The following KAZN variants were observed in gnomAD, a reference collection of about 807,000 sequenced individuals.
KAZN encodes the protein kazrin.
KAZN carries 40 observed loss-of-function variants against 87.4 expected under a neutral mutation model. That is an observed-to-expected ratio of 0.46 (90% CI 0.36 to 0.60). The LOEUF is 0.60. Among genes scored for constraint, KAZN ranks in the 20% least tolerant of loss-of-function variants. KAZN has a pLI of 0.00. For missense variants in KAZN, 898 were observed against 1,073.9 expected, an observed-to-expected ratio of 0.84 and a Z score of 2.29; for synonymous variants, 466 against 458.3, an observed-to-expected ratio of 1.02 and a Z score of -0.22.
Position 15,099,008 on chromosome 1 carries a change from A to G in KAZN, c.1548-2535A>G, listed in dbSNP as rs1640924916. Among the ~76,000 whole-genome samples, 1 of 152,218 alleles carries G rather than the reference A, an allele frequency of 6.6e-6. No individual in the cohort carries two copies. ...GACTGGTGCAGAGATGGGGACTTCC[A>G]GGGGCTTTGGACACAGAGAAGGGCT... On this transcript the variant is annotated intron_variant, in intron 10 of 14. Transcript: ENST00000376030. This position sits in a 1 kb window ranked among gnomAD's most constrained non-coding sequence, Gnocchi z 5.4.
chr1:14,291,975 A>G (rs926912025), intron 2 of KAZN, among the ~76,000 whole-genome samples: 7 of 152,152 alleles, frequency 4.6e-5, no homozygotes, highest in African/African-American at 1.7e-4. Flanking sequence ...CTGTGAGTCA[A>G]TTAAACCTCT....
intron 2 of KAZN, among the ~76,000 whole-genome samples, chr1:14,264,094 A>G (rs1651288608): frequency 6.6e-6 from 1 of 152,234 alleles, no homozygotes; most frequent in Non-Finnish European, 1.5e-5. Context: ...GTAGGTCTGA[A>G]ATCAGGGTAC....
chr1:14,767,304 C>G (rs1328929851), intron 1 of KAZN, among the ~76,000 whole-genome samples: 2 of 152,148 alleles, frequency 1.3e-5, no homozygotes. Flanking sequence ...CTGTTTTTCA[C>G]CTGAGCTGAA....
intron 2 of KAZN, among the ~76,000 whole-genome samples, chr1:14,583,780 T>C (rs985883220): frequency 3.9e-5 from 6 of 152,148 alleles, no homozygotes; most frequent in African/African-American, 1.4e-4. Flanking sequence ...GGGCTTGGTG[T>C]GATGATCGCG....
intron 2 of KAZN, among the ~76,000 whole-genome samples, chr1:14,221,350 G>A (rs1647093095): frequency 3.3e-5 from 5 of 152,240 alleles, no homozygotes; most frequent in South Asian, 4.2e-4. Flanking sequence ...TGCCCCTGGA[G>A]TCTTCTGTTA....
chr1:14,925,719 A>G (rs749592308), intron 1 of KAZN, among the ~76,000 whole-genome samples: 29 of 152,294 alleles, frequency 1.9e-4, no homozygotes, highest in Non-Finnish European at 2.6e-4. Context: ...CTGTAAGAAA[A>G]AAGCCAACCA....
intron 2 of KAZN, among the ~76,000 whole-genome samples, chr1:14,354,726 G>A (rs1658869689): frequency 6.6e-6 from 1 of 150,710 alleles, no homozygotes; most frequent in African/African-American, 2.4e-5. Context: ...CAAGGACCTG[G>A]ATCAACTGGA....
At chr1:14,625,963 C>T (rs545211977) in intron 1 of KAZN, among the ~76,000 whole-genome samples, 4 of 152,294 alleles carry the variant, frequency 2.6e-5, no homozygotes, top group East Asian at 1.9e-4. Flanking sequence ...AGGGGACCTA[C>T]GGGATTCTGA....
intron 2 of KAZN, among the ~76,000 whole-genome samples, chr1:14,187,568 G>A (rs923616936): frequency 8.5e-5 from 13 of 152,154 alleles, no homozygotes; most frequent in South Asian, 2.1e-4. Flanking sequence ...TGAGAAGGAA[G>A]CAGAGCAACT....
intron 2 of KAZN, among the ~76,000 whole-genome samples, chr1:14,436,732 A>AG (rs61387595): frequency 1.2e-5 from 1 of 83,742 alleles, no homozygotes; most frequent in African/African-American, 4.7e-5. Flanking sequence ...AAAAAAAAAA[A>AG]AAAAAACCTT....
chr1:14,674,891 A>G (rs1640123561), intron 1 of KAZN, among the ~76,000 whole-genome samples: 1 of 152,094 alleles, frequency 6.6e-6, no homozygotes. Context: ...GGTTAAAGCC[A>G]TCTTCCCACC....
intron 1 of KAZN, among the ~76,000 whole-genome samples, chr1:14,917,873 T>TTCCTTC (rs35574873): frequency 4.9e-4 from 26 of 53,366 alleles, no homozygotes; most frequent in Non-Finnish European, 7.0e-4. Context: ...TTCCTTCCTT[T>TTCCTTC]CTTTCTTTCT....
intron 1 of KAZN, chr1:14,946,056 A>G (rs1661729094): frequency 3.1e-6 from 1 of 325,252 alleles, no homozygotes; most frequent in South Asian, 1.2e-4. Flanking sequence ...TCTCCACACA[A>G]GGACAGGGAA....
At chr1:14,248,916 C>T (rs1021658940) in intron 2 of KAZN, among the ~76,000 whole-genome samples, 13 of 152,154 alleles carry the variant, frequency 8.5e-5, no homozygotes, top group African/African-American at 2.4e-4. Flanking sequence ...ATCCCTAGTC[C>T]GCCATACTGG....
intron 2 of KAZN, among the ~76,000 whole-genome samples, chr1:14,593,009 A>G (rs1676294838): frequency 6.6e-6 from 1 of 152,216 alleles, no homozygotes; most frequent in African/African-American, 2.4e-5. Context: ...CTCAACAAGT[A>G]TGTGCTGAGC....
chr1:13,945,523 C>CAA (rs34016071), intron 1 of KAZN, among the ~76,000 whole-genome samples: 12 of 135,190 alleles, frequency 8.9e-5, no homozygotes, highest in South Asian at 2.3e-4. Flanking sequence ...GACTCCATCT[C>CAA]AAAAAAAAAA....
chr1:14,838,125 G>T (rs1052972052), intron 1 of KAZN, among the ~76,000 whole-genome samples: 4 of 152,160 alleles, frequency 2.6e-5, no homozygotes, highest in African/African-American at 9.7e-5. Context: ...GCGCCTTGGG[G>T]CTGTACCCTC....
At position 14,728,013 on chromosome 1, in the gene KAZN, C is replaced by T. The variant is rs151168920; in HGVS notation, c.226+128790C>T. Among the ~76,000 whole-genome samples the T allele has an allele frequency of 4.1e-3, 624 of 151,822 alleles. 8 individuals are homozygous for T. The highest frequency in any genetic ancestry group is 0.014 in the African/African-American group (575 of 41,442). On this transcript the variant is annotated intron_variant, in intron 1 of 14. Transcript: ENST00000376030. ...ATGAGAATCTAATGCTGGCCGGGCGCGGTGCCTCACGCCTGTAATCCCAGC... is the reference window on the plus strand; with the variant it reads ...ATGAGAATCTAATGCTGGCCGGGCGTGGTGCCTCACGCCTGTAATCCCAGC...
intron 2 of KAZN, among the ~76,000 whole-genome samples, chr1:14,966,000 G>A (rs1450016319): frequency 5.0e-4 from 12 of 23,954 alleles, no homozygotes; most frequent in Non-Finnish European, 1.6e-4. Flanking sequence ...TTTTTTTTTT[G>A]AGATAGTTTC....
Sources: allele counts gnomAD v4.1 joint callset (sites outside exome capture counted in the v4.1 genomes callset), GRCh38; gene constraint gnomAD v4.1.1; non-coding constraint Gnocchi (gnomAD v3.1); transcripts MANE v1.5; gene names NCBI Gene and HGNC (gene_info 2026-07-23, HGNC 2026-07-21).